MED12L: variants seen among roughly 807,000 people sequenced by gnomAD.
The protein encoded by MED12L is mediator of RNA polymerase II transcription subunit 12-like protein.
A neutral mutation model predicts 281.3 loss-of-function variants in MED12L; 60 were observed. The ratio of observed to expected loss-of-function variants is 0.21; its 90% CI spans 0.17 to 0.26. The LOEUF is 0.26. MED12L is among the 10% of genes least tolerant of loss of function. The probability of loss-of-function intolerance (pLI) is 1.00; values close to 1 mark genes in which losing one functional copy is unlikely to be tolerated. For synonymous variants in MED12L, 974 were observed against 987.2 expected, an observed-to-expected ratio of 0.99 and a Z score of 0.25; for missense variants, 2,146 against 2,680.9, an observed-to-expected ratio of 0.80 and a Z score of 4.41.
At chr3:151,281,309 C>G (rs1396800785) in intron 16 of MED12L, among the ~76,000 whole-genome samples, 1 of 149,000 alleles carries the variant, frequency 6.7e-6, no homozygotes, top group African/African-American at 2.5e-5. Context: ...GCTCAGGAGG[C>G]TGAGGCAGGA....
chr3:151,370,576 T>C (rs1560090488), intron 26 of MED12L, among the ~76,000 whole-genome samples: 1 of 152,204 alleles, frequency 6.6e-6, no homozygotes, highest in Non-Finnish European at 1.5e-5. Context: ...CCTCTGAGTG[T>C]AGGCGCTTAT....
intron 39 of MED12L, among the ~76,000 whole-genome samples, chr3:151,399,089 A>G (rs550332789): frequency 1.3e-5 from 2 of 152,276 alleles, no homozygotes; most frequent in South Asian, 4.1e-4. Context: ...AATATCCTGT[A>G]TTTAGATGGG....
intron 16 of MED12L, among the ~76,000 whole-genome samples, chr3:151,260,773 C>A (rs7623448): frequency 0.47 from 71,237 of 152,004 alleles, 16,828 homozygotes; most frequent in Middle Eastern, 0.65. Context: ...AGGTAAATAA[C>A]TGTATTCTTG....
chr3:151,306,479 A>T (rs1429001498), intron 16 of MED12L, among the ~76,000 whole-genome samples: 1 of 152,186 alleles, frequency 6.6e-6, no homozygotes, highest in Admixed American at 6.5e-5. Context: ...TGAGTAGTGG[A>T]ATAGGGACTT....
chr3:151,382,193 C>T (rs2108135808), intron 32 of MED12L, among the ~76,000 whole-genome samples: 1 of 152,204 alleles, frequency 6.6e-6, no homozygotes, highest in South Asian at 2.1e-4. Flanking sequence ...TTCTCTTTAT[C>T]AAGGAAGACA....
At chr3:151,351,357 G>A (rs577965632) in intron 17 of MED12L, among the ~76,000 whole-genome samples, 1 of 152,328 alleles carries the variant, frequency 6.6e-6, no homozygotes, top group South Asian at 2.1e-4. Flanking sequence ...TCAGAACACA[G>A]TGGGAAAGTT....
chr3:151,317,993 G>A (rs550807035), intron 16 of MED12L, among the ~76,000 whole-genome samples: 17 of 152,226 alleles, frequency 1.1e-4, no homozygotes, highest in Admixed American at 1.1e-3. Context: ...TAATGTGTAC[G>A]TACTAGTTGA....
intron 2 of MED12L, among the ~76,000 whole-genome samples, chr3:151,102,386 A>C (rs1293940528): frequency 6.6e-6 from 1 of 152,176 alleles, no homozygotes; most frequent in African/African-American, 2.4e-5. Flanking sequence ...GAGGTTTACC[A>C]GGGGAAATTT....
At chr3:151,342,188 C>T (rs547273001) in intron 16 of MED12L, among the ~76,000 whole-genome samples, 1 of 152,238 alleles carries the variant, frequency 6.6e-6, no homozygotes, top group African/African-American at 2.4e-5. Context: ...GTTTATAGTC[C>T]CACCAACAGT....
chr3:151,226,614 T>G (rs940288470), intron 16 of MED12L, among the ~76,000 whole-genome samples: 2 of 152,004 alleles, frequency 1.3e-5, no homozygotes, highest in Non-Finnish European at 2.9e-5. Context: ...CAGCCAGTGT[T>G]TTTTTTTCAA....
At chr3:151,193,331 T>G (rs1035305676) in intron 15 of MED12L, among the ~76,000 whole-genome samples, 159 bp from the exon 16 acceptor site, 1 of 152,218 alleles carries the variant, frequency 6.6e-6, no homozygotes, top group African/African-American at 2.4e-5. Context: ...GAATATGAAT[T>G]TTGTGGAAAT....
At chr3:151,298,191 A>T (rs1745355783) in intron 16 of MED12L, among the ~76,000 whole-genome samples, 1 of 152,160 alleles carries the variant, frequency 6.6e-6, no homozygotes, top group South Asian at 2.1e-4. Flanking sequence ...TCCAAAACGT[A>T]TAGGTGTACT....
chr3:151,429,886 C>T (rs569508480), intron 43 of MED12L, among the ~76,000 whole-genome samples: 4 of 152,322 alleles, frequency 2.6e-5, no homozygotes, highest in Admixed American at 6.5e-5. Flanking sequence ...TATTTTCTCC[C>T]ATTTGTGCAA....
rs763860720 is a variant in MED12L at position 151,169,540 on chromosome 3, T to C, written c.1494+3558T>C. Reference sequence around the variant, plus strand: ...AGTTACTCAAGGCTTTGTGCAATAGTGCCCTTCCTGGTTAAGTAGGCATAG... The same window carrying C: ...AGTTACTCAAGGCTTTGTGCAATAGCGCCCTTCCTGGTTAAGTAGGCATAG... On this transcript the variant is annotated intron_variant, in intron 11 of 44. Transcript: ENST00000687756. Among the ~76,000 whole-genome samples, 92 of 152,212 alleles carry C rather than the reference T, an allele frequency of 6.0e-4. 8 individuals carry two copies. The highest frequency in any genetic ancestry group is 2.9e-5 in the Non-Finnish European group (2 of 68,032).
At chr3:151,105,497 G>C (rs1210076922) in intron 2 of MED12L, among the ~76,000 whole-genome samples, 1 of 152,084 alleles carries the variant, frequency 6.6e-6, no homozygotes, top group African/African-American at 2.4e-5. Context: ...ACTTGATTCT[G>C]TTGCTCCCTC....
chr3:151,240,228 G>A (rs1733810452), intron 16 of MED12L, among the ~76,000 whole-genome samples: 1 of 152,116 alleles, frequency 6.6e-6, no homozygotes, highest in South Asian at 2.1e-4. Context: ...TTCACTACCT[G>A]TGTACTGACA....
rs1720325393 is a variant in MED12L at position 151,163,815 on chromosome 3, G to T, written c.1108-78G>T. 8 of 1,379,498 alleles carry T rather than the reference G, an allele frequency of 5.8e-6. 1 individual carries two copies. Among genetic ancestry groups the T allele is most frequent in the Non-Finnish European group, 6.0e-6 (6 of 994,866 alleles). The allele number at this position is 1,379,498 out of a possible 1,614,324, so 85.5% of individuals were successfully genotyped here. ...GAGACAATAATACAGTGATGACAGG[G>T]TGTCGTTTTTACTGTTTAGCTATTG... On this transcript the variant is annotated intron_variant, in intron 8 of 44. Transcript: ENST00000687756.
chr3:151,220,621 A>G (rs1404700094), intron 16 of MED12L, among the ~76,000 whole-genome samples: 1 of 152,152 alleles, frequency 6.6e-6, no homozygotes, highest in African/African-American at 2.4e-5. Flanking sequence ...ATGAGATCTG[A>G]TGGTTTTAAA....
Position 151,369,555 on chromosome 3 carries a change from A to T in MED12L, c.3664+6A>T. 3 of 1,576,864 alleles carry T rather than the reference A, an allele frequency of 1.9e-6. No homozygotes were observed. The highest frequency in any genetic ancestry group is 2.6e-6 in the Non-Finnish European group (3 of 1,152,580). ...AAAAGCAATTATGATGCTTGGTAAG[A>T]TTATTCTGACCCTAAGCTTCTTGGT... On this transcript the variant is annotated splice_donor_region_variant and intron_variant, in intron 26 of 44. Transcript: ENST00000687756.
Sources: gnomAD v4.1 joint callset for allele counts (sites outside exome capture counted in the v4.1 genomes callset) on GRCh38, gnomAD v4.1.1 for gene constraint, MANE v1.5 for transcripts, NCBI Gene and HGNC (gene_info 2026-07-23, HGNC 2026-07-21) for gene names.